The following MRTFA variants were observed in gnomAD, a reference collection of about 807,000 sequenced individuals.
The protein encoded by MRTFA is myocardin-related transcription factor A.
In MRTFA, 20 loss-of-function variants were observed where a neutral mutation model predicts 83.5. That is an observed-to-expected ratio of 0.24 (90% confidence interval 0.17 to 0.35). MRTFA has a LOEUF of 0.35. Ranked by LOEUF, MRTFA falls within the 10% of genes least tolerant of loss-of-function variation. The pLI, the probability that MRTFA is intolerant of heterozygous loss-of-function variation, is 1.00. For missense variants in MRTFA, 1,200 were observed against 1,224.7 expected (o/e 0.98, Z 0.30); for synonymous variants, 659 against 541.2 (o/e 1.22, Z -3.02).
chr22:40,416,843 G>A lies in MRTFA; in HGVS notation c.2578+143C>T. 1 of 766,052 alleles carries A rather than the reference G, an allele frequency of 1.3e-6. No individual in the cohort carries two copies. The highest frequency in any genetic ancestry group is 2.1e-6 in the Non-Finnish European group (1 of 469,316). 47.5% of individuals were successfully genotyped at this position (766,052 alleles called of 1,614,324 possible). A position where few individuals can be genotyped will look rare whatever the true frequency, so the allele number is the denominator to read the frequency against. The stretch of plus-strand genomic sequence containing the variant: ...TCGCCCAGGCCTTGGAGACGGGAGG[G>A]CTCACAGCCACCACTGCATCCACAG... On this transcript the variant is annotated intron_variant, in intron 14 of 14. Transcript: ENST00000355630. The surrounding 1 kb of genome is among the most constrained non-coding windows in gnomAD (Gnocchi z 4.2).
intron 3 of MRTFA, among the ~76,000 whole-genome samples, chr22:40,498,274 T>TATATATATATATATATA (rs1491515144): frequency 2.6e-5 from 1 of 37,776 alleles, no homozygotes; most frequent in Non-Finnish European, 5.2e-5. Flanking sequence ...TATATATATA[T>TATATATATATATATATA]TTTTTTTTTT....
chr22:40,545,384 C>A (rs922973533), intron 3 of MRTFA, among the ~76,000 whole-genome samples: 1 of 152,066 alleles, frequency 6.6e-6, no homozygotes, highest in Non-Finnish European at 1.5e-5. Context: ...GGTGTCGGGA[C>A]CTTGACTGCC....
intron 12 of MRTFA, 151 bp downstream of exon 12, chr22:40,418,223 C>G: frequency 7.0e-7 from 1 of 1,421,516 alleles, no homozygotes. Flanking sequence ...CTTAACTTTC[C>G]TAAGTCTCAG....
intron 3 of MRTFA, among the ~76,000 whole-genome samples, chr22:40,536,249 G>T (rs1355662712): frequency 6.6e-6 from 1 of 152,064 alleles, no homozygotes; most frequent in Non-Finnish European, 1.5e-5. Flanking sequence ...GCTACAGTGA[G>T]CTGTGATCAC....
At position 40,495,682 on chromosome 22, in the gene MRTFA, C is replaced by T. The variant is rs200823640; in HGVS notation, c.242-32396G>A. On this transcript the variant is annotated intron_variant, in intron 3 of 14. Transcript: ENST00000355630. ...GCTGAGGCAGGAGAGTCGCTTGAAC[C>T]GGGGAGGTGGAGGTTGCAGTGAGCC... is the stretch of plus-strand genomic sequence containing the variant. 3.6e-4 allele frequency among the ~76,000 whole-genome samples: 53 copies of T among 146,238 alleles called. No individual in the cohort carries two copies. In the East Asian group the frequency reaches 9.3e-3, roughly 26 times the overall value.
At chr22:40,511,971 C>A (rs1337245952) in intron 3 of MRTFA, among the ~76,000 whole-genome samples, 1 of 152,120 alleles carries the variant, frequency 6.6e-6, no homozygotes, top group East Asian at 1.9e-4. Flanking sequence ...CTTAGGTGAA[C>A]CAAGATTATG....
At chr22:40,527,439 G>A (rs141004910) in intron 3 of MRTFA, among the ~76,000 whole-genome samples, 231 of 151,212 alleles carry the variant, frequency 1.5e-3, no homozygotes, top group African/African-American at 5.1e-3. Flanking sequence ...TTTCCTTGTC[G>A]TTATAAAGAA....
intron 3 of MRTFA, among the ~76,000 whole-genome samples, chr22:40,549,814 G>A (rs368577436): frequency 7.9e-5 from 12 of 152,170 alleles, no homozygotes; most frequent in African/African-American, 2.9e-4. Flanking sequence ...CACTTTGGGG[G>A]GCCAAGGAGG....
At chr22:40,450,649 G>C (rs1248005547) in intron 4 of MRTFA, among the ~76,000 whole-genome samples, 1 of 151,596 alleles carries the variant, frequency 6.6e-6, no homozygotes, top group Non-Finnish European at 1.5e-5. Flanking sequence ...GTAGAAACAG[G>C]GTTTCATCAC....
chr22:40,589,374 T>C (rs1030653151), intron 2 of MRTFA, among the ~76,000 whole-genome samples: 1 of 152,224 alleles, frequency 6.6e-6, no homozygotes, highest in African/African-American at 2.4e-5. Context: ...CAAATGCCTA[T>C]TTAATCCTCA....
intron 1 of MRTFA, among the ~76,000 whole-genome samples, chr22:40,617,740 A>G (rs918813390): frequency 1.4e-5 from 2 of 146,576 alleles, no homozygotes; most frequent in East Asian, 2.0e-4. Flanking sequence ...AAAAAAAAAG[A>G]AAAAAAAAGA....
At chr22:40,484,526 A>G (rs2054143267) in intron 3 of MRTFA, among the ~76,000 whole-genome samples, 1 of 152,196 alleles carries the variant, frequency 6.6e-6, no homozygotes, top group Non-Finnish European at 1.5e-5. Context: ...ACTGTAGAAG[A>G]GTTCATGTTA....
At chr22:40,629,429 G>C in intron 1 of MRTFA, among the ~76,000 whole-genome samples, 1 of 148,712 alleles carries the variant, frequency 6.7e-6, no homozygotes. Context: ...CTGGTCAACA[G>C]AGCAAGACTC....
intron 3 of MRTFA, among the ~76,000 whole-genome samples, chr22:40,550,364 C>T (rs565715360): frequency 6.6e-6 from 1 of 151,902 alleles, no homozygotes; most frequent in South Asian, 2.1e-4. Flanking sequence ...AGATACGTGT[C>T]CTAACAGACA....
intron 5 of MRTFA, 77 bp from the exon 6 acceptor site, chr22:40,431,557 C>A: frequency 7.2e-7 from 1 of 1,392,966 alleles, no homozygotes. Context: ...CAACAGCAGC[C>A]TTGGCCATGG....
chr22:40,579,395 A>T (rs1344103978), intron 2 of MRTFA, among the ~76,000 whole-genome samples: 2 of 152,216 alleles, frequency 1.3e-5, no homozygotes, highest in East Asian at 3.8e-4. Context: ...AACATTTATT[A>T]AAAATAATAA....
At chr22:40,450,723 G>A (rs1275523416) in intron 4 of MRTFA, among the ~76,000 whole-genome samples, 1 of 152,010 alleles carries the variant, frequency 6.6e-6, no homozygotes, top group Non-Finnish European at 1.5e-5. Flanking sequence ...CTCCCAAAGT[G>A]CTGGGATTAC....
chr22:40,475,295 T>G (rs1368840259), intron 3 of MRTFA, among the ~76,000 whole-genome samples: 1 of 151,624 alleles, frequency 6.6e-6, no homozygotes, highest in Non-Finnish European at 1.5e-5. Flanking sequence ...CTCAGCATGC[T>G]GGGAGGCTGA....
Position 40,410,289 on chromosome 22 carries a change from C to A in MRTFA, c.*1101G>T. The A allele has an allele frequency of 1.7e-6, 1 of 595,318 alleles. No individual in the cohort carries two copies. The highest frequency in any genetic ancestry group is 2.2e-6 in the Non-Finnish European group (1 of 452,064). The allele number at this position is 595,318 out of a possible 1,614,324, so 36.9% of individuals were successfully genotyped here. Reference sequence around the variant, plus strand: ...GACTGAATAAGATGGACTAACAGGCCTGTGTTTTTGTGTTTATTTTAAAAA... The same window carrying A: ...GACTGAATAAGATGGACTAACAGGCATGTGTTTTTGTGTTTATTTTAAAAA... On this transcript the variant is annotated 3_prime_UTR_variant, in exon 15 of 15. Coordinates refer to ENST00000355630, the MANE Select transcript of MRTFA (RefSeq NM_020831.6).
Sources: allele counts gnomAD v4.1 joint callset (sites outside exome capture counted in the v4.1 genomes callset), GRCh38; gene constraint gnomAD v4.1.1; non-coding constraint Gnocchi (gnomAD v3.1); transcripts MANE v1.5; gene names NCBI Gene and HGNC (gene_info 2026-07-23, HGNC 2026-07-21).